The following IQCM variants were observed in gnomAD, a reference collection of about 807,000 sequenced individuals.
IQCM encodes the protein IQ motif containing M.
IQCM carries 45 observed loss-of-function variants against 57.6 expected under a neutral mutation model. The ratio of observed to expected loss-of-function variants is 0.78; its 90% confidence interval spans 0.62 to 1.00. The LOEUF (loss-of-function observed/expected upper bound fraction) is 1.00. Among genes scored for constraint, IQCM ranks in the 50% least tolerant of loss-of-function variants. IQCM has a pLI of 0.00. For synonymous variants in IQCM, 148 were observed against 158.9 expected, an observed-to-expected ratio of 0.93 and a Z score of 0.51; for missense variants, 468 against 511.6, an observed-to-expected ratio of 0.91 and a Z score of 0.82.
In IQCM at chr4:149,403,723, G is replaced by T. The variant is rs556360039; in HGVS notation, c.1390+29673C>A. On this transcript the variant is annotated intron_variant, in intron 13 of 13. Transcript: ENST00000636793. ...GGGACAGATGGAGGAAAAAGGAACAGCTTCGAGGATTCAGAAGGCAAAACT... is the reference window on the plus strand; with the variant it reads ...GGGACAGATGGAGGAAAAAGGAACATCTTCGAGGATTCAGAAGGCAAAACT... 4.6e-5 allele frequency among the ~76,000 whole-genome samples: 7 copies of T among 152,096 alleles called. No homozygotes were observed. The South Asian group carries it at 1.5e-3, about 32-fold the overall frequency.
At chr4:149,654,329 C>T (rs1759450314) in intron 7 of IQCM, among the ~76,000 whole-genome samples, 1 of 152,000 alleles carries the variant, frequency 6.6e-6, no homozygotes, top group African/African-American at 2.4e-5. Context: ...GGTGTTTGGG[C>T]CATGGGGGTG....
intron 12 of IQCM, among the ~76,000 whole-genome samples, chr4:149,442,428 A>C (rs950149357): frequency 1.4e-4 from 22 of 152,026 alleles, no homozygotes; most frequent in Admixed American, 3.9e-4. Context: ...AACCCAAAAA[A>C]CAAAAACAAA....
At position 149,665,793 on chromosome 4, in the gene IQCM, G is replaced by A. The variant is rs374549321; in HGVS notation, c.565+16325C>T. ...CCCACCCTCAATCTGGGTAGGCACC[G>A]TCTAATCAGCTGCCAGTGTGGCCAG... On this transcript the variant is annotated intron_variant, in intron 7 of 13. Transcript: ENST00000636793. Among the ~76,000 whole-genome samples, 10 of 152,232 alleles carry A rather than the reference G, an allele frequency of 6.6e-5. No homozygotes were observed. In the South Asian group the frequency reaches 1.0e-3, roughly 16 times the overall value.
intron 7 of IQCM, among the ~76,000 whole-genome samples, chr4:149,633,512 T>C (rs1008116300): frequency 6.6e-6 from 1 of 152,224 alleles, no homozygotes; most frequent in African/African-American, 2.4e-5. Flanking sequence ...AAATTGATGA[T>C]ACTAATAAAA....
chr4:149,735,191 A>G (rs944609182), intron 4 of IQCM, among the ~76,000 whole-genome samples, 185 bp downstream of exon 4: 1 of 152,186 alleles, frequency 6.6e-6, no homozygotes, highest in Non-Finnish European at 1.5e-5. Context: ...CAACTAAAAA[A>G]TCTTATTTTA....
chr4:149,770,784 T>A (rs1471940732), intron 2 of IQCM, among the ~76,000 whole-genome samples: 1 of 152,090 alleles, frequency 6.6e-6, no homozygotes, highest in Non-Finnish European at 1.5e-5. Context: ...CTGAACTGGA[T>A]AAAGAGCACC....
chr4:149,671,955 C>A (rs925446817), intron 7 of IQCM, among the ~76,000 whole-genome samples: 1 of 152,124 alleles, frequency 6.6e-6, no homozygotes, highest in African/African-American at 2.4e-5. Flanking sequence ...GCAACATTTG[C>A]CCCTCTGCAA....
chr4:149,751,514 G>A (rs1490336579), intron 2 of IQCM, among the ~76,000 whole-genome samples: 1 of 152,070 alleles, frequency 6.6e-6, no homozygotes, highest in Non-Finnish European at 1.5e-5. Context: ...CCTGAATCCT[G>A]GGAGCTGCAC....
intron 12 of IQCM, among the ~76,000 whole-genome samples, chr4:149,523,053 C>T (rs959526944): frequency 6.6e-6 from 1 of 152,132 alleles, no homozygotes; most frequent in Non-Finnish European, 1.5e-5. Flanking sequence ...GATCAAGTCA[C>T]TAGCAGATTA....
At position 149,504,671 on chromosome 4, in the gene IQCM, T is replaced by C. The variant is rs575602670; in HGVS notation, c.1228+43784A>G. 4.6e-4 allele frequency among the ~76,000 whole-genome samples: 70 copies of C among 152,240 alleles called. 1 individual carries two copies. The highest frequency in any genetic ancestry group is 1.5e-3 in the African/African-American group (63 of 41,542). On this transcript the variant is annotated intron_variant, in intron 12 of 13. Coordinates refer to ENST00000636793, the MANE Select transcript of IQCM (RefSeq NM_001363507.2). ...GTTCACGTCTGCAATCCCAGCATTT[T>C]GGGAAGCCGAGGCAGGTGGCTCACT...
chr4:149,631,168 G>A (rs1275846697), intron 7 of IQCM, among the ~76,000 whole-genome samples: 4 of 152,172 alleles, frequency 2.6e-5, no homozygotes, highest in East Asian at 1.9e-4. Flanking sequence ...CTTTACACAT[G>A]TTGTCATGAC....
At chr4:149,802,425 C>A (rs1005560311) in intron 2 of IQCM, among the ~76,000 whole-genome samples, 3 of 151,880 alleles carry the variant, frequency 2.0e-5, no homozygotes, top group African/African-American at 7.2e-5. Flanking sequence ...AGGCTAGACA[C>A]CATAACTCAT....
At chr4:149,461,224 A>ATTT in intron 12 of IQCM, among the ~76,000 whole-genome samples, 1 of 137,832 alleles carries the variant, frequency 7.3e-6, no homozygotes, top group Non-Finnish European at 1.6e-5. Context: ...CAAGAGCAAA[A>ATTT]CTCCATCTCA....
Position 149,453,992 on chromosome 4 carries a change from A to G in IQCM, c.1229-20435T>C, listed in dbSNP as rs1737404628. Among the ~76,000 whole-genome samples the G allele has an allele frequency of 2.0e-5, 3 of 151,726 alleles. No individual in the cohort carries two copies. In the South Asian group the frequency reaches 6.2e-4, roughly 31 times the overall value. ...TCATCAACTGATGAGTAGGTAAACA[A>G]ATGTTCATCAACTGATGAGTAGGTA... On this transcript the variant is annotated intron_variant, in intron 12 of 13. Transcript: ENST00000636793.
chr4:149,803,245 A>G (rs950659869), intron 2 of IQCM, among the ~76,000 whole-genome samples: 1 of 151,946 alleles, frequency 6.6e-6, no homozygotes, highest in African/African-American at 2.4e-5. Context: ...TTCCCTTCCT[A>G]TATCATGTTA....
At chr4:149,757,041 G>C (rs1462315452) in intron 2 of IQCM, among the ~76,000 whole-genome samples, 2 of 152,110 alleles carry the variant, frequency 1.3e-5, no homozygotes, top group African/African-American at 2.4e-5. Flanking sequence ...GGTGGATCAC[G>C]AGGTCAGGAG....
chr4:149,376,898 T>C (rs1485147702), intron 13 of IQCM, among the ~76,000 whole-genome samples: 2 of 152,130 alleles, frequency 1.3e-5, no homozygotes, highest in African/African-American at 4.8e-5. Context: ...CAGATTGTAT[T>C]TGCTTTAAAT....
chr4:149,718,776 C>A (rs1036739146), intron 5 of IQCM, among the ~76,000 whole-genome samples: 2 of 152,124 alleles, frequency 1.3e-5, no homozygotes, highest in African/African-American at 2.4e-5. Flanking sequence ...ATGAATCCTG[C>A]CTCCATGGTC....
intron 6 of IQCM, among the ~76,000 whole-genome samples, chr4:149,682,921 A>G (rs1561151216): frequency 6.6e-6 from 1 of 151,196 alleles, no homozygotes. Flanking sequence ...TTCAGGAACC[A>G]TATTACTATT....
Sources: allele counts gnomAD v4.1 joint callset (sites outside exome capture counted in the v4.1 genomes callset), GRCh38; gene constraint gnomAD v4.1.1; transcripts MANE v1.5; gene names NCBI Gene and HGNC (gene_info 2026-07-23, HGNC 2026-07-21).